The following GPC5 variants were observed in gnomAD, a reference collection of about 807,000 sequenced individuals.
The protein encoded by GPC5 is glypican-5.
A neutral mutation model predicts 53.9 loss-of-function variants in GPC5; 47 were observed. The observed-to-expected ratio is 0.87, with a 90% CI of 0.69 to 1.11. The LOEUF (loss-of-function observed/expected upper bound fraction) is 1.11, where lower values mean the gene tolerates loss of function less well. GPC5 is among the 50% of genes most tolerant of loss of function. The probability of loss-of-function intolerance (pLI) is 0.00; values close to 1 mark genes in which losing one functional copy is unlikely to be tolerated. For missense variants in GPC5, 748 were observed against 713.1 expected (o/e 1.05, Z -0.56); for synonymous variants, 286 against 263.3 (o/e 1.09, Z -0.84).
At chr13:92,806,555 T>A (rs553384664) in intron 7 of GPC5, among the ~76,000 whole-genome samples, 1 of 152,182 alleles carries the variant, frequency 6.6e-6, no homozygotes, top group East Asian at 1.9e-4. Context: ...ATTTACAGCT[T>A]TTGATTTAAA....
At chr13:92,761,090 T>C (rs1344617166) in intron 7 of GPC5, among the ~76,000 whole-genome samples, 6 of 152,184 alleles carry the variant, frequency 3.9e-5, no homozygotes, top group Admixed American at 3.9e-4. Flanking sequence ...TCTTGTTTTA[T>C]GTGCACTAAA....
chr13:92,753,381 A>G (rs975828539), intron 7 of GPC5, among the ~76,000 whole-genome samples: 3 of 152,222 alleles, frequency 2.0e-5, no homozygotes, highest in African/African-American at 7.2e-5. Flanking sequence ...AGATGGGGAA[A>G]AAACAGAACA....
intron 7 of GPC5, among the ~76,000 whole-genome samples, chr13:92,544,218 G>C (rs1293940062): frequency 6.6e-6 from 1 of 152,032 alleles, no homozygotes; most frequent in East Asian, 1.9e-4. Flanking sequence ...TCCTGGTTGT[G>C]ATAATTAACA....
chr13:92,030,233 A>T (rs953534567), intron 6 of GPC5, among the ~76,000 whole-genome samples: 4 of 152,162 alleles, frequency 2.6e-5, no homozygotes, highest in African/African-American at 9.7e-5. Flanking sequence ...ATAGCATAAG[A>T]CCAGAGAAAA....
intron 7 of GPC5, among the ~76,000 whole-genome samples, chr13:92,708,197 G>C (rs1566375884): frequency 6.6e-6 from 1 of 152,126 alleles, no homozygotes; most frequent in Admixed American, 6.5e-5. Flanking sequence ...TGAAGAACTT[G>C]ACCATTAGGT....
At chr13:92,243,752 T>C (rs1180506756) in intron 7 of GPC5, among the ~76,000 whole-genome samples, 1 of 152,152 alleles carries the variant, frequency 6.6e-6, no homozygotes, top group Non-Finnish European at 1.5e-5. Flanking sequence ...TAATAGACGA[T>C]GTCTGTGTTA....
At chr13:92,512,963 T>C (rs369421000) in intron 7 of GPC5, among the ~76,000 whole-genome samples, 43 of 152,326 alleles carry the variant, frequency 2.8e-4, no homozygotes, top group African/African-American at 9.6e-4. Flanking sequence ...TGATGCGATG[T>C]TGTCACAGAG....
chr13:91,863,371 G>A (rs2039050845), intron 5 of GPC5, among the ~76,000 whole-genome samples: 1 of 152,000 alleles, frequency 6.6e-6, no homozygotes, highest in Non-Finnish European at 1.5e-5. Context: ...AAGGGGAATA[G>A]GAATTTTATC....
At chr13:92,176,988 C>T (rs780930416) in intron 7 of GPC5, among the ~76,000 whole-genome samples, 4 of 152,220 alleles carry the variant, frequency 2.6e-5, no homozygotes, top group Admixed American at 6.5e-5. Context: ...GACCTCCCAT[C>T]TTTTGCTATT....
intron 7 of GPC5, among the ~76,000 whole-genome samples, chr13:92,666,587 A>G (rs1172069633): frequency 6.6e-6 from 1 of 152,196 alleles, no homozygotes; most frequent in African/African-American, 2.4e-5. Context: ...TGATGTGTAA[A>G]TATACTTTGT....
intron 7 of GPC5, among the ~76,000 whole-genome samples, chr13:92,614,576 T>C (rs1594349650): frequency 6.6e-6 from 1 of 152,176 alleles, no homozygotes; most frequent in Admixed American, 6.5e-5. Context: ...TGAGCTGCTT[T>C]TGGGCAGAGA....
chr13:92,077,856 C>G (rs1032930522), intron 6 of GPC5, among the ~76,000 whole-genome samples: 4 of 152,082 alleles, frequency 2.6e-5, no homozygotes, highest in African/African-American at 9.7e-5. Context: ...AACATCATAG[C>G]CTAATCCCTA....
At chr13:92,171,464 G>A (rs2042070336) in intron 7 of GPC5, among the ~76,000 whole-genome samples, 1 of 152,008 alleles carries the variant, frequency 6.6e-6, no homozygotes, top group Non-Finnish European at 1.5e-5. Flanking sequence ...CACACTTCCT[G>A]AAATAGTTGT....
At chr13:92,458,598 T>C (rs1878366376) in intron 7 of GPC5, among the ~76,000 whole-genome samples, 1 of 151,112 alleles carries the variant, frequency 6.6e-6, no homozygotes, top group African/African-American at 2.5e-5. Flanking sequence ...GTGCCCTGCC[T>C]TACTTATTCT....
Position 91,981,347 on chromosome 13 carries a change from T to G in GPC5, c.1401+73290T>G, listed in dbSNP as rs914210296. Among the ~76,000 whole-genome samples the G allele has an allele frequency of 5.9e-5, 9 of 151,500 alleles. No individual in the cohort carries two copies. The South Asian group carries it at 1.5e-3, about 25-fold the overall frequency. ...CTCTGTCGCCCAGGCTGGAGTGCAG[T>G]GGCGCGATCTCGGCTCACTGCAAGC... On this transcript the variant is annotated intron_variant, in intron 6 of 7. Coordinates refer to ENST00000377067, the MANE Select transcript of GPC5 (RefSeq NM_004466.6).
At chr13:91,975,788 T>C (rs1210873571) in intron 6 of GPC5, among the ~76,000 whole-genome samples, 1 of 152,190 alleles carries the variant, frequency 6.6e-6, no homozygotes, top group Non-Finnish European at 1.5e-5. Flanking sequence ...CCCAAAGGAT[T>C]ATAAATCATG....
intron 7 of GPC5, among the ~76,000 whole-genome samples, chr13:92,601,250 T>C (rs1451596730): frequency 6.6e-6 from 1 of 152,104 alleles, no homozygotes; most frequent in Non-Finnish European, 1.5e-5. Context: ...GAGCAATCTT[T>C]TGAAGAACAA....
intron 7 of GPC5, among the ~76,000 whole-genome samples, chr13:92,317,013 A>T (rs527776438): frequency 1.3e-5 from 2 of 152,312 alleles, no homozygotes; most frequent in South Asian, 4.1e-4. Flanking sequence ...TCTTAAAATA[A>T]ACTACAGAAA....
chr13:91,706,840 A>C (rs1262573421), intron 3 of GPC5, among the ~76,000 whole-genome samples: 1 of 152,212 alleles, frequency 6.6e-6, no homozygotes, highest in Non-Finnish European at 1.5e-5. Context: ...ATACTTTGTA[A>C]CAATAAAGAA....
Sources: gnomAD v4.1 joint callset for allele counts (sites outside exome capture counted in the v4.1 genomes callset) on GRCh38, gnomAD v4.1.1 for gene constraint, MANE v1.5 for transcripts, NCBI Gene and HGNC (gene_info 2026-07-23, HGNC 2026-07-21) for gene names.